Variants in ASB10 observed in about 807,000 individuals in gnomAD.
The protein encoded by ASB10 is ankyrin repeat and SOCS box containing 10, also known as ankyrin repeat and SOCS box protein 10.
A neutral mutation model predicts 35.4 loss-of-function variants in ASB10; 44 were observed. That is an observed-to-expected ratio of 1.24 (90% CI 0.98 to 1.60). The LOEUF is 1.60. ASB10 is among the 40% of genes most tolerant of loss of function. The pLI is 0.00. For synonymous variants in ASB10, 294 were observed against 280.4 expected, an observed-to-expected ratio of 1.05 and a Z score of -0.49; for missense variants, 647 against 634.3, an observed-to-expected ratio of 1.02 and a Z score of -0.22.
intron 2 of ASB10, among the ~76,000 whole-genome samples, chr7:151,184,792 G>T (rs1801556335): frequency 6.6e-6 from 1 of 152,102 alleles, no homozygotes; most frequent in African/African-American, 2.4e-5. Context: ...GGAGGCCGAG[G>T]CGGGCAGAAC....
At chr7:151,181,695 C>T (rs1350696081) in intron 2 of ASB10, among the ~76,000 whole-genome samples, 1 of 151,814 alleles carries the variant, frequency 6.6e-6, no homozygotes, top group Non-Finnish European at 1.5e-5. Flanking sequence ...TCACTGCAAC[C>T]TCCACCTCCC....
rs944631733 is a variant in ASB10, at chr7:151,186,606, C to G, written c.370G>C (p.Ala124Pro). ...AGGACTTCCGTGTGGCCACGGCTGG[C>G]TGCCACATGCAGTGGGGTGGTCAGC... ...EELTTPLHVA[A>P]SRGHTEVLRL... The change falls in exon 2 of 6, where the codon GCC (alanine) becomes CCC (proline). Residue 124 changes from alanine to proline, a missense_variant. By Grantham distance (27) the Ala-to-Pro change is conservative. Coordinates refer to ENST00000420175, the MANE Select transcript of ASB10 (RefSeq NM_001142459.2). The G allele has an allele frequency of 1.2e-6, 2 of 1,610,672 alleles. No homozygotes were observed. Among genetic ancestry groups the G allele is most frequent in the African/African-American group, 2.7e-5 (2 of 75,038 alleles).
chr7:151,176,002 G>T, intron 5 of ASB10, 36 bp from the exon 6 acceptor site: 1 of 1,310,338 alleles, frequency 7.6e-7, no homozygotes, highest in Non-Finnish European at 1.0e-6. Context: ...GGCTTCTGGT[G>T]GTTCGGGGAC....
At chr7:151,176,743 G>C (rs868625706) in intron 3 of ASB10, 67 bp from the exon 4 acceptor site, 4 of 1,120,922 alleles carry the variant, frequency 3.6e-6, no homozygotes, top group Middle Eastern at 2.0e-4. Context: ...CTCCAGAATA[G>C]TTGTTGTGGG....
chr7:151,182,346 G>T (rs1461642288), intron 2 of ASB10, among the ~76,000 whole-genome samples: 1 of 152,180 alleles, frequency 6.6e-6, no homozygotes, highest in Non-Finnish European at 1.5e-5. Context: ...GGGAGTCCAA[G>T]GCAGGTGGAT....
intron 3 of ASB10, 134 bp downstream of exon 3, chr7:151,180,805 C>T: frequency 1.4e-6 from 2 of 1,400,098 alleles, no homozygotes; most frequent in East Asian, 2.5e-5. Context: ...GCTTTGCTTA[C>T]ATGCTGAATG....
intron 3 of ASB10, among the ~76,000 whole-genome samples, chr7:151,178,669 G>A (rs1801433041): frequency 6.6e-6 from 1 of 152,224 alleles, no homozygotes; most frequent in Non-Finnish European, 1.5e-5. Flanking sequence ...AGACCCTTCT[G>A]TCTGTCAGAC....
At chr7:151,182,764 G>A (rs540925255) in intron 2 of ASB10, among the ~76,000 whole-genome samples, 2 of 152,182 alleles carry the variant, frequency 1.3e-5, no homozygotes, top group African/African-American at 4.8e-5. Context: ...CACCTTCCGA[G>A]GTGGTTGTGA....
chr7:151,182,761 C>T (rs1049234828), intron 2 of ASB10, among the ~76,000 whole-genome samples: 3 of 151,948 alleles, frequency 2.0e-5, no homozygotes, highest in Admixed American at 6.6e-5. Flanking sequence ...CTCCACCTTC[C>T]GAGGTGGTTG....
chr7:151,176,302 G>A lies in ASB10; in HGVS notation c.1219-5C>T. 1 of 1,539,820 alleles carries A rather than the reference G, an allele frequency of 6.5e-7. No individual in the cohort carries two copies. Among genetic ancestry groups the A allele is most frequent in the Non-Finnish European group, 8.7e-7 (1 of 1,143,436 alleles). ...GGAGTAGAAACGCTGATGTTTCTGG[G>A]GGCAGAACAAGGGGCTCAGTGAGAG... On this transcript the variant is annotated splice_region_variant and splice_polypyrimidine_tract_variant and intron_variant, in intron 4 of 5. Coordinates refer to ENST00000420175, the MANE Select transcript of ASB10 (RefSeq NM_001142459.2).
intron 3 of ASB10, among the ~76,000 whole-genome samples, chr7:151,180,089 C>A (rs975971382): frequency 5.3e-5 from 8 of 152,148 alleles, no homozygotes; most frequent in African/African-American, 1.7e-4. Flanking sequence ...CTGGGCTGAG[C>A]CAGAGGGGAA....
chr7:151,176,025 G>T, intron 5 of ASB10, 59 bp from the exon 6 acceptor site: 2 of 1,485,948 alleles, frequency 1.3e-6, no homozygotes, highest in Non-Finnish European at 1.8e-6. Flanking sequence ...GCCGGTTCTG[G>T]CTAGGGCCCT....
chr7:151,186,705 A>T (rs1432303317), intron 1 of ASB10, 46 bp from the exon 2 acceptor site: 2 of 1,565,008 alleles, frequency 1.3e-6, no homozygotes, highest in African/African-American at 2.7e-5. Context: ...GAAGGCAGAG[A>T]CCTTCCAGCC....
Position 151,176,602 on chromosome 7 carries a change from G to A in ASB10, c.1179C>T (p.Pro393=), listed in dbSNP as rs763412421. The A allele has an allele frequency of 4.5e-6, 7 of 1,551,382 alleles. No homozygotes were observed. Among genetic ancestry groups the A allele is most frequent in the South Asian group, 3.6e-5 (3 of 84,056 alleles). ...GAGTCACCAGGCCGACGGCCTCCTC[G>A]GGAAGCTGCACAACACTGTAGGTGT... ...LMNTYSVVQL[P]EEAVGLVTPE... is the part of the protein sequence containing the mutation. The change falls in exon 4 of 6, where the codon CCC becomes CCT. Residue 393 remains proline (P), a synonymous_variant. Coordinates refer to ENST00000420175, the MANE Select transcript of ASB10 (RefSeq NM_001142459.2).
At chr7:151,180,013 G>A (rs1039278156) in intron 3 of ASB10, among the ~76,000 whole-genome samples, 1 of 152,234 alleles carries the variant, frequency 6.6e-6, no homozygotes, top group South Asian at 2.1e-4. Context: ...AGGTTTGTGA[G>A]CAAAGGGGAG....
intron 3 of ASB10, 54 bp from the exon 4 acceptor site, chr7:151,176,730 C>T: frequency 7.9e-7 from 1 of 1,267,898 alleles, no homozygotes; most frequent in Non-Finnish European, 1.1e-6. Context: ...AGTGACCAGA[C>T]AGCTCCAGAA....
chr7:151,187,057 G>A lies in ASB10; in HGVS notation c.74C>T (p.Ala25Val), dbSNP rs748236697. The part of the protein sequence containing the change: ...EPLDDRHPLC[A>V]RLVEKPSRGS... ...TCTGCTGGGCTTCTCCACCAGCCTG[G>A]CACAGAGGGGGTGTCTGTCATCGAG... is the stretch of plus-strand genomic sequence containing the variant. The change falls in exon 1 of 6, where the codon GCC becomes GTC. Residue 25 changes from alanine to valine, a missense_variant. Ala to Val is a moderately conservative substitution (Grantham distance 64, BLOSUM62 0). Coordinates refer to ENST00000420175, the MANE Select transcript of ASB10 (RefSeq NM_001142459.2). The surrounding 1 kb of genome is among the most constrained non-coding windows in gnomAD (Gnocchi z 5.3). 6 of 1,609,928 alleles carry A rather than the reference G, an allele frequency of 3.7e-6. No homozygotes were observed. The highest frequency in any genetic ancestry group is 5.1e-6 in the Non-Finnish European group (6 of 1,178,148).
chr7:151,184,624 G>A (rs887120324), intron 2 of ASB10, among the ~76,000 whole-genome samples: 17 of 152,158 alleles, frequency 1.1e-4, no homozygotes, highest in Admixed American at 5.2e-4. Context: ...GTTTGATGGG[G>A]TTAGAATTTC....
intron 3 of ASB10, among the ~76,000 whole-genome samples, chr7:151,177,165 C>A (rs1466640000): frequency 6.6e-6 from 1 of 152,258 alleles, no homozygotes; most frequent in East Asian, 1.9e-4. Flanking sequence ...TTAAGCTACC[C>A]ACTTTGTGGT....
Sources: allele counts gnomAD v4.1 joint callset (sites outside exome capture counted in the v4.1 genomes callset), GRCh38; gene constraint gnomAD v4.1.1; non-coding constraint Gnocchi (gnomAD v3.1); transcripts MANE v1.5; gene names NCBI Gene and HGNC (gene_info 2026-07-23, HGNC 2026-07-21).